The following DLG2 variants were observed in gnomAD, a reference collection of about 807,000 sequenced individuals.
The protein encoded by DLG2 is disks large homolog 2.
In DLG2, 45 loss-of-function variants were observed where a neutral mutation model predicts 132.5. The observed-to-expected ratio is 0.34, with a 90% CI of 0.27 to 0.44. The LOEUF (loss-of-function observed/expected upper bound fraction) is 0.44. Among genes scored for constraint, DLG2 ranks in the 20% least tolerant of loss-of-function variants. The probability of loss-of-function intolerance (pLI) is 1.00; values close to 1 mark genes in which losing one functional copy is unlikely to be tolerated. For synonymous variants in DLG2, 424 were observed against 419.6 expected, an observed-to-expected ratio of 1.01 and a Z score of -0.13; for missense variants, 1,045 against 1,196.9, an observed-to-expected ratio of 0.87 and a Z score of 1.87.
chr11:85,255,916 C>T (rs1052344649), intron 4 of DLG2, among the ~76,000 whole-genome samples: 15 of 152,110 alleles, frequency 9.9e-5, no homozygotes, highest in African/African-American at 2.4e-4. Flanking sequence ...GTCCTGTAAT[C>T]GCTGTTAATA....
intron 5 of DLG2, among the ~76,000 whole-genome samples, chr11:85,143,098 G>C (rs2076604298): frequency 6.6e-6 from 1 of 151,538 alleles, no homozygotes; most frequent in South Asian, 2.1e-4. Flanking sequence ...CTTCCTCCTA[G>C]ATTTTTTCAA....
intron 17 of DLG2, among the ~76,000 whole-genome samples, chr11:83,799,031 A>G (rs2043599917): frequency 6.6e-6 from 1 of 152,236 alleles, no homozygotes; most frequent in African/African-American, 2.4e-5. Context: ...TCTCAAAAGT[A>G]TTTCACAGTT....
chr11:84,502,367 T>C lies in DLG2; in HGVS notation c.519+32203A>G, dbSNP rs566683983. ...CTTTCTTTCTTTCTTTCTTTCTTTCTTTCTTTCTTTCTTTCTTTCTTTCTT... is the reference window on the plus strand; with the variant it reads ...CTTTCTTTCTTTCTTTCTTTCTTTCCTTCTTTCTTTCTTTCTTTCTTTCTT... On this transcript the variant is annotated intron_variant, in intron 7 of 27. Coordinates refer to ENST00000376104, the MANE Select transcript of DLG2 (RefSeq NM_001142699.3). Among the ~76,000 whole-genome samples the C allele has an allele frequency of 4.8e-5, 4 of 83,738 alleles. No individual in the cohort carries two copies. The South Asian group carries it at 1.1e-3, about 23-fold the overall frequency. The allele number at this position is 83,738 out of a possible 152,430, so 54.9% of individuals were successfully genotyped here.
At chr11:84,538,145 G>A (rs2099359909) in intron 6 of DLG2, among the ~76,000 whole-genome samples, 3 of 152,208 alleles carry the variant, frequency 2.0e-5, no homozygotes, top group Non-Finnish European at 4.4e-5. Context: ...TGTGGGAGCA[G>A]AAATGGGCAA....
intron 21 of DLG2, among the ~76,000 whole-genome samples, chr11:83,486,569 TATA>T (rs1305510991): frequency 6.6e-6 from 1 of 152,132 alleles, no homozygotes; most frequent in Non-Finnish European, 1.5e-5. Context: ...AAGCAAGGAC[TATA>T]ATGTGTTAAC....
At chr11:84,284,760 G>C (rs1177236391) in intron 7 of DLG2, among the ~76,000 whole-genome samples, 1 of 152,156 alleles carries the variant, frequency 6.6e-6, no homozygotes, top group Admixed American at 6.5e-5. Context: ...AAAGCTACCT[G>C]AACTCAACTG....
chr11:84,335,982 T>C (rs563266780), intron 7 of DLG2, among the ~76,000 whole-genome samples: 1 of 152,298 alleles, frequency 6.6e-6, no homozygotes, highest in East Asian at 1.9e-4. Context: ...ACCAATATAA[T>C]TCAACATAAA....
chr11:83,981,540 C>T (rs1304165025), intron 11 of DLG2, among the ~76,000 whole-genome samples: 2 of 152,124 alleles, frequency 1.3e-5, no homozygotes, highest in Non-Finnish European at 2.9e-5. Context: ...CTCCCGGCTT[C>T]AAGCGGTTCT....
intron 21 of DLG2, among the ~76,000 whole-genome samples, chr11:83,514,104 A>G (rs1269648868): frequency 6.6e-6 from 1 of 152,102 alleles, no homozygotes; most frequent in Non-Finnish European, 1.5e-5. Context: ...CATTGAATCT[A>G]TAAATTACCT....
At chr11:84,731,650 T>C (rs1196879303) in intron 6 of DLG2, among the ~76,000 whole-genome samples, 1 of 151,842 alleles carries the variant, frequency 6.6e-6, no homozygotes, top group African/African-American at 2.4e-5. Flanking sequence ...AGGGGAAATA[T>C]CAAGTGAACA....
chr11:84,725,434 T>C (rs1379027672), intron 6 of DLG2, among the ~76,000 whole-genome samples: 2 of 152,160 alleles, frequency 1.3e-5, no homozygotes, highest in African/African-American at 4.8e-5. Flanking sequence ...AGTCCACTTA[T>C]TTCATTTAAT....
chr11:84,315,967 AAC>A (rs1446514820), intron 7 of DLG2, among the ~76,000 whole-genome samples: 1 of 152,178 alleles, frequency 6.6e-6, no homozygotes, highest in Non-Finnish European at 1.5e-5. Flanking sequence ...ATACATATTA[AAC>A]AGTCATTGTT....
chr11:85,028,828 G>A (rs1454415578), intron 6 of DLG2, among the ~76,000 whole-genome samples: 1 of 152,014 alleles, frequency 6.6e-6, no homozygotes, highest in Admixed American at 6.5e-5. Context: ...AGGAGGGGGA[G>A]GCCCCCACCC....
In DLG2 at chr11:83,613,954, T is replaced by C. The variant is rs1337505862; in HGVS notation, c.1940+19257A>G. Among the ~76,000 whole-genome samples, 4 of 152,296 alleles carry C rather than the reference T, an allele frequency of 2.6e-5. No homozygotes were observed. In the South Asian group the frequency reaches 6.2e-4, roughly 24 times the overall value. On this transcript the variant is annotated intron_variant, in intron 19 of 27. Transcript: ENST00000376104. ...TTTTGAAGAGCTCTACAGGTGCTTC[T>C]TACCTCGAGCTAAGGTTGAGATACA...
intron 3 of DLG2, among the ~76,000 whole-genome samples, chr11:85,567,400 T>C (rs1442362362): frequency 6.6e-6 from 1 of 152,184 alleles, no homozygotes; most frequent in Non-Finnish European, 1.5e-5. Flanking sequence ...TCCTAAATAC[T>C]GTATTCTTTT....
At chr11:84,611,933 T>C (rs1328431856) in intron 6 of DLG2, among the ~76,000 whole-genome samples, 2 of 152,146 alleles carry the variant, frequency 1.3e-5, no homozygotes, top group African/African-American at 4.8e-5. Flanking sequence ...AGATACATCA[T>C]TTTTTACAAC....
At chr11:84,332,695 A>G (rs2098466595) in intron 7 of DLG2, among the ~76,000 whole-genome samples, 1 of 152,096 alleles carries the variant, frequency 6.6e-6, no homozygotes, top group Non-Finnish European at 1.5e-5. Context: ...GGGCAATGGG[A>G]AAACTTACTG....
At chr11:84,613,323 T>A (rs1274851685) in intron 6 of DLG2, among the ~76,000 whole-genome samples, 1 of 152,102 alleles carries the variant, frequency 6.6e-6, no homozygotes, top group Admixed American at 6.6e-5. Flanking sequence ...GTGATCTAAG[T>A]CATCAAGGAG....
At chr11:85,024,910 C>T (rs2060385811) in intron 6 of DLG2, among the ~76,000 whole-genome samples, 1 of 152,166 alleles carries the variant, frequency 6.6e-6, no homozygotes, top group Non-Finnish European at 1.5e-5. Flanking sequence ...ATAAATCAAA[C>T]ATCAGTAAGT....
Sources: allele counts gnomAD v4.1 joint callset (sites outside exome capture counted in the v4.1 genomes callset), GRCh38; gene constraint gnomAD v4.1.1; transcripts MANE v1.5; gene names NCBI Gene and HGNC (gene_info 2026-07-23, HGNC 2026-07-21).